ADIPOQ: variants seen among roughly 807,000 people sequenced by gnomAD.
ADIPOQ encodes the protein adiponectin.
ADIPOQ carries 19 observed loss-of-function variants against 16.1 expected under a neutral mutation model. The observed-to-expected ratio is 1.18, with a 90% CI of 0.82 to 1.73. ADIPOQ has a LOEUF of 1.73. Among genes scored for constraint, ADIPOQ ranks in the 40% most tolerant of loss-of-function variants. The pLI is 0.00. For synonymous variants in ADIPOQ, 124 were observed against 125.5 expected (o/e 0.99, Z 0.08); for missense variants, 323 against 308.3 (o/e 1.05, Z -0.36).
chr3:186,847,522 C>T (rs1239290857), intron 1 of ADIPOQ, among the ~76,000 whole-genome samples: 1 of 152,126 alleles, frequency 6.6e-6, no homozygotes. Context: ...AGAAGGTCTG[C>T]CTGGACTTTT....
At position 186,854,962 on chromosome 3, in the gene ADIPOQ, C is replaced by T; in HGVS notation, c.*258C>T. On this transcript the variant is annotated 3_prime_UTR_variant, in exon 3 of 3. Coordinates refer to ENST00000320741, the MANE Select transcript of ADIPOQ (RefSeq NM_004797.4). ...AGTTGACAGTGCTATTTTGTGCCCA[C>T]TGTCTCTCCTGATGCTCATATCAAT... is the stretch of plus-strand genomic sequence containing the variant. The T allele has an allele frequency of 3.8e-6, 2 of 520,496 alleles. No homozygotes were observed. Among genetic ancestry groups the T allele is most frequent in the South Asian group, 2.0e-5 (1 of 48,870 alleles). The allele number at this position is 520,496 out of a possible 1,614,324, so 32.2% of individuals were successfully genotyped here.
Position 186,856,669 on chromosome 3 carries a change from C to A in ADIPOQ, c.*1965C>A, listed in dbSNP as rs1281265707. The A allele has an allele frequency of 6.6e-6, 1 of 152,108 alleles. No homozygotes were observed. The highest frequency in any genetic ancestry group is 1.5e-5 in the Non-Finnish European group (1 of 68,028). The allele number at this position is 152,108 out of a possible 1,614,324, so 9.4% of individuals were successfully genotyped here. The stretch of plus-strand genomic sequence containing the variant: ...GTTTCACCATATTGGCCAGGCTGGT[C>A]TCGAACTCCTGACCTTGTGATCTGC... On this transcript the variant is annotated 3_prime_UTR_variant, in exon 3 of 3. Coordinates refer to ENST00000320741, the MANE Select transcript of ADIPOQ (RefSeq NM_004797.4).
chr3:186,853,014 G>A, intron 1 of ADIPOQ, 37 bp from the exon 2 acceptor site: 2 of 1,610,850 alleles, frequency 1.2e-6, no homozygotes, highest in Non-Finnish European at 1.7e-6. Context: ...TGTGGGGTCT[G>A]TCTCTCCATG....
rs184535507 is a variant in ADIPOQ at position 186,854,974 on chromosome 3, A to T, written c.*270A>T. The T allele has an allele frequency of 2.0e-6, 1 of 497,698 alleles. No individual in the cohort carries two copies. The highest frequency in any genetic ancestry group is 3.9e-5 in the East Asian group (1 of 25,414). The allele number at this position is 497,698 out of a possible 1,614,324, so 30.8% of individuals were successfully genotyped here. On this transcript the variant is annotated 3_prime_UTR_variant, in exon 3 of 3. Transcript: ENST00000320741. ...TATTTTGTGCCCACTGTCTCTCCTG[A>T]TGCTCATATCAATCCTATAAGGCAC...
intron 1 of ADIPOQ, among the ~76,000 whole-genome samples, chr3:186,844,209 A>G (rs1302577447): frequency 6.6e-6 from 1 of 151,964 alleles, no homozygotes; most frequent in African/African-American, 2.4e-5. Flanking sequence ...TTTTTTTGGC[A>G]CAATCTCAGC....
At chr3:186,845,036 C>G (rs1235364053) in intron 1 of ADIPOQ, among the ~76,000 whole-genome samples, 1 of 151,848 alleles carries the variant, frequency 6.6e-6, no homozygotes, top group African/African-American at 2.4e-5. Flanking sequence ...TTTATTAGTT[C>G]CTTGACAGTA....
chr3:186,853,208 T>C lies in ADIPOQ; in HGVS notation c.150T>C (p.Asn50=). 6.2e-7 allele frequency: 1 copy of C among 1,613,958 alleles called. No individual in the cohort carries two copies. The highest frequency in any genetic ancestry group is 8.5e-7 in the Non-Finnish European group (1 of 1,179,952). The change falls in exon 2 of 3, where the codon AAT becomes AAC. Residue 50 remains asparagine, a synonymous_variant. Coordinates refer to ENST00000320741, the MANE Select transcript of ADIPOQ (RefSeq NM_004797.4). ...MAGIPGHPGH[N]GAPGRDGRDG... ...GCATCCCAGGGCATCCGGGCCATAATGGGGCCCCAGGCCGTGATGGCAGAG... is the reference window on the plus strand; with the variant it reads ...GCATCCCAGGGCATCCGGGCCATAACGGGGCCCCAGGCCGTGATGGCAGAG...
rs754228738 is a variant in ADIPOQ at position 186,854,643 on chromosome 3, A to T, written c.674A>T (p.Tyr225Phe). The T allele has an allele frequency of 2.5e-6, 4 of 1,614,166 alleles. No homozygotes were observed. The highest frequency in any genetic ancestry group is 1.7e-5 in the Admixed American group (1 of 60,012). ...VYGEGERNGL[Y>F]ADNDNDSTFT... ...GGGGAAGGAGAGCGTAATGGACTCT[A>T]TGCTGATAATGACAATGACTCCACC... The change falls in exon 3 of 3, where the codon TAT becomes TTT. Residue 225 changes from tyrosine to phenylalanine, a missense_variant. By Grantham distance (22) the Tyr-to-Phe change is conservative. Transcript: ENST00000320741.
chr3:186,849,575 A>G (rs1423547500), intron 1 of ADIPOQ, among the ~76,000 whole-genome samples: 1 of 152,162 alleles, frequency 6.6e-6, no homozygotes, highest in Non-Finnish European at 1.5e-5. Context: ...GTACATATAA[A>G]TGATGGTAGT....
chr3:186,847,395 GT>G (rs1449836282), intron 1 of ADIPOQ, among the ~76,000 whole-genome samples: 1 of 152,084 alleles, frequency 6.6e-6, no homozygotes, highest in African/African-American at 2.4e-5. Context: ...AGATCCCTTT[GT>G]TTTATAAAAA....
At chr3:186,844,839 T>A (rs867049208) in intron 1 of ADIPOQ, among the ~76,000 whole-genome samples, 1 of 152,062 alleles carries the variant, frequency 6.6e-6, no homozygotes, top group African/African-American at 2.4e-5. Context: ...CTTTTTAAGG[T>A]GGCTGTAGGG....
chr3:186,851,290 A>G (rs1465435317), intron 1 of ADIPOQ, among the ~76,000 whole-genome samples: 1 of 152,216 alleles, frequency 6.6e-6, no homozygotes, highest in Non-Finnish European at 1.5e-5. Flanking sequence ...ATTAACCCAC[A>G]GAGGGTCTTA....
chr3:186,843,973 C>G (rs576394042), intron 1 of ADIPOQ, among the ~76,000 whole-genome samples: 25 of 152,138 alleles, frequency 1.6e-4, no homozygotes, highest in Non-Finnish European at 3.4e-4. Flanking sequence ...GTTTTTGGAT[C>G]AAGCCTCACA....
rs1717530889 is a variant in ADIPOQ at position 186,857,764 on chromosome 3, C to T, written c.*3060C>T. On this transcript the variant is annotated 3_prime_UTR_variant, in exon 3 of 3. Coordinates refer to ENST00000320741, the MANE Select transcript of ADIPOQ (RefSeq NM_004797.4). ...TTAGCGCTCTATTATTAGATATATA[C>T]ATGTTTAGTATTATGTCTTATTGGT... is the stretch of plus-strand genomic sequence containing the variant. 1 of 152,158 alleles carries T rather than the reference C, an allele frequency of 6.6e-6. No homozygotes were observed. Among genetic ancestry groups the T allele is most frequent in the Admixed American group, 6.5e-5 (1 of 15,276 alleles). 9.4% of individuals were successfully genotyped at this position (152,158 alleles called of 1,614,324 possible).
chr3:186,854,027 A>T, intron 2 of ADIPOQ, 157 bp from the exon 3 acceptor site: 1 of 695,634 alleles, frequency 1.4e-6, no homozygotes, highest in Non-Finnish European at 2.4e-6. Flanking sequence ...TAGAAGGAGG[A>T]GGTAACACCT....
chr3:186,856,937 C>G lies in ADIPOQ; in HGVS notation c.*2233C>G, dbSNP rs200963315. ...TTCTGTCTTTAGATAAGGTTTGAACCAAAGCTCAAAACAATCAAGACCCTT... is the reference window on the plus strand; with the variant it reads ...TTCTGTCTTTAGATAAGGTTTGAACGAAAGCTCAAAACAATCAAGACCCTT... On this transcript the variant is annotated 3_prime_UTR_variant, in exon 3 of 3. Coordinates refer to ENST00000320741, the MANE Select transcript of ADIPOQ (RefSeq NM_004797.4). 3 of 152,120 alleles carry G rather than the reference C, an allele frequency of 2.0e-5. No homozygotes were observed. The highest frequency in any genetic ancestry group is 4.4e-5 in the Non-Finnish European group (3 of 68,016). The allele number at this position is 152,120 out of a possible 1,614,324, so 9.4% of individuals were successfully genotyped here.
intron 1 of ADIPOQ, among the ~76,000 whole-genome samples, chr3:186,850,508 T>C (rs1230467484): frequency 1.3e-5 from 2 of 152,098 alleles, no homozygotes; most frequent in Non-Finnish European, 2.9e-5. Flanking sequence ...GGTCCAGTAA[T>C]TTACTTCTGG....
At position 186,857,571 on chromosome 3, in the gene ADIPOQ, G is replaced by T. The variant is rs201410153; in HGVS notation, c.*2867G>T. 5.3e-4 allele frequency: 80 copies of T among 152,278 alleles called. No homozygotes were observed. The highest frequency in any genetic ancestry group is 1.6e-3 in the African/African-American group (67 of 41,544). The allele number at this position is 152,278 out of a possible 1,614,324, so 9.4% of individuals were successfully genotyped here. On this transcript the variant is annotated 3_prime_UTR_variant, in exon 3 of 3. Coordinates refer to ENST00000320741, the MANE Select transcript of ADIPOQ (RefSeq NM_004797.4). ...GTTACCCTAAACTCTCTGGGGCAGG[G>T]TTATTCCTTTGTGGAACCAGAGGCA...
intron 1 of ADIPOQ, among the ~76,000 whole-genome samples, chr3:186,846,372 C>T (rs1711579748): frequency 1.3e-5 from 2 of 152,026 alleles, no homozygotes. Flanking sequence ...CCTGGGATTA[C>T]AGGCAGGCAC....
Sources: allele counts gnomAD v4.1 joint callset (sites outside exome capture counted in the v4.1 genomes callset), GRCh38; gene constraint gnomAD v4.1.1; transcripts MANE v1.5; gene names NCBI Gene and HGNC (gene_info 2026-07-23, HGNC 2026-07-21).